Variants in EPB41 observed in about 807,000 individuals in gnomAD.
The protein encoded by EPB41 is erythrocyte membrane protein band 4.1.
A neutral mutation model predicts 108.0 loss-of-function variants in EPB41; 65 were observed. The observed-to-expected ratio is 0.60, with a 90% CI of 0.49 to 0.74. The LOEUF (loss-of-function observed/expected upper bound fraction) is 0.74, where lower values mean the gene tolerates loss of function less well. EPB41 is among the 30% of genes least tolerant of loss of function. The pLI, the probability that EPB41 is intolerant of heterozygous loss-of-function variation, is 0.00. For synonymous variants in EPB41, 336 were observed against 358.9 expected (o/e 0.94, Z 0.72); for missense variants, 875 against 1,037.0 (o/e 0.84, Z 2.15).
intron 1 of EPB41, among the ~76,000 whole-genome samples, chr1:28,934,547 T>C (rs1174042220): frequency 1.3e-5 from 2 of 152,174 alleles, no homozygotes; most frequent in African/African-American, 2.4e-5. Flanking sequence ...CATACTGATA[T>C]GGATATTTAT....
At chr1:29,076,109 C>T (rs980163275) in intron 16 of EPB41, among the ~76,000 whole-genome samples, 6 of 152,208 alleles carry the variant, frequency 3.9e-5, no homozygotes, top group African/African-American at 1.2e-4. Context: ...CACATTACTT[C>T]TTCACATACT....
chr1:29,039,813 C>CA (rs201576611), intron 11 of EPB41, among the ~76,000 whole-genome samples: 6,465 of 142,444 alleles, frequency 0.045, 156 homozygotes, highest in Non-Finnish European at 0.062. Flanking sequence ...GACTCTGTCT[C>CA]AAAAAAAAAA....
chr1:28,993,654 T>TTTA, intron 3 of EPB41, 112 bp downstream of exon 3: 7 of 906,702 alleles, frequency 7.7e-6, no homozygotes, highest in South Asian at 1.6e-5. Context: ...TTATTTCTTT[T>TTTA]TTCTTTTTTT....
chr1:29,010,505 C>T (rs72874954), intron 4 of EPB41, among the ~76,000 whole-genome samples: 12 of 152,206 alleles, frequency 7.9e-5, no homozygotes, highest in African/African-American at 2.9e-4. Flanking sequence ...GTTTTATGTA[C>T]TTTTCGACAT....
intron 17 of EPB41, among the ~76,000 whole-genome samples, chr1:29,108,307 C>A (rs1296009168): frequency 6.7e-6 from 1 of 149,792 alleles, no homozygotes; most frequent in African/African-American, 2.5e-5. Context: ...CACCACCACA[C>A]CCGGCTAATT....
At chr1:28,915,007 G>C (rs1029803316) in intron 1 of EPB41, among the ~76,000 whole-genome samples, 11 of 152,198 alleles carry the variant, frequency 7.2e-5, no homozygotes, top group African/African-American at 2.4e-4. Flanking sequence ...AAGGGGAAGG[G>C]GTTGCGTCGC....
intron 1 of EPB41, among the ~76,000 whole-genome samples, chr1:28,970,930 C>T (rs978983178): frequency 2.0e-5 from 3 of 152,124 alleles, no homozygotes; most frequent in African/African-American, 4.8e-5. Context: ...TCACTGCAGC[C>T]TCCACCTCCC....
chr1:28,956,715 A>G (rs2094962113), intron 1 of EPB41, among the ~76,000 whole-genome samples: 1 of 152,248 alleles, frequency 6.6e-6, no homozygotes, highest in Non-Finnish European at 1.5e-5. Context: ...AGAATCATCT[A>G]AAATATTATT....
chr1:28,943,429 G>A (rs2094374621), intron 1 of EPB41, among the ~76,000 whole-genome samples: 1 of 152,144 alleles, frequency 6.6e-6, no homozygotes, highest in South Asian at 2.1e-4. Flanking sequence ...GAGGTGGGTG[G>A]ATCACCTTAA....
chr1:28,965,811 T>A (rs1012552775), intron 1 of EPB41, among the ~76,000 whole-genome samples: 1 of 152,216 alleles, frequency 6.6e-6, no homozygotes, highest in African/African-American at 2.4e-5. Flanking sequence ...GAATAAACTT[T>A]AGCGTTTTCA....
intron 7 of EPB41, among the ~76,000 whole-genome samples, chr1:29,025,284 A>T (rs1269944499): frequency 6.6e-6 from 1 of 152,076 alleles, no homozygotes; most frequent in Non-Finnish European, 1.5e-5. Flanking sequence ...AGGGAGTCAC[A>T]TAACACTGGA....
At chr1:28,994,919 C>G (rs2096128375) in intron 3 of EPB41, among the ~76,000 whole-genome samples, 1 of 110,334 alleles carries the variant, frequency 9.1e-6, no homozygotes, top group African/African-American at 3.8e-5. Context: ...CTCAGCCTCC[C>G]AAAGTACTAA....
rs1255414282 is a variant in EPB41 at position 29,109,342 on chromosome 1, G to A, written c.2320G>A (p.Asp774Asn). 6.2e-6 allele frequency: 10 copies of A among 1,613,960 alleles called. No individual in the cohort carries two copies. The highest frequency in any genetic ancestry group is 4.5e-5 in the East Asian group (2 of 44,878). The part of the protein sequence containing the change: ...TITYEAAQTD[D>N]NSGDLDPGVL... ...GCCATGCTTTCTTCTGCAGACTGAC[G>A]ACAACAGTGGAGACTTGGACCCAGG... is the stretch of plus-strand genomic sequence containing the variant. Residue 774 changes from aspartate (D) to asparagine (N), a missense_variant, in exon 18 of 21, where the codon GAC becomes AAC. Physicochemically the swap from Asp to Asn is conservative, Grantham distance 23. Around this residue, in one of 3 missense-constraint regions of EPB41, gnomAD observed 519 missense variants for 627.3 expected, o/e 0.83. Transcript: ENST00000343067.
chr1:29,012,733 C>G (rs1343065728), intron 5 of EPB41, among the ~76,000 whole-genome samples: 1 of 152,202 alleles, frequency 6.6e-6, no homozygotes, highest in African/African-American at 2.4e-5. Flanking sequence ...GAAGAAAACA[C>G]TTTTGTTATG....
intron 1 of EPB41, among the ~76,000 whole-genome samples, chr1:28,916,713 A>G (rs906596120): frequency 2.6e-5 from 4 of 152,098 alleles, no homozygotes; most frequent in African/African-American, 9.7e-5. Flanking sequence ...CAACAAAACT[A>G]TACATTTTTC....
chr1:28,887,862 C>T lies in EPB41; in HGVS notation c.-8+652C>T, dbSNP rs183142594. 1.2e-4 allele frequency among the ~76,000 whole-genome samples: 19 copies of T among 152,356 alleles called. No individual in the cohort carries two copies. In the Middle Eastern group the frequency reaches 0.014, roughly 109 times the overall value. On this transcript the variant is annotated intron_variant, in intron 1 of 16. Coordinates refer to the EPB41 transcript ENST00000347529. The surrounding 1 kb of genome is among the most constrained non-coding windows in gnomAD (Gnocchi z 4.9). ...GTCTGGGTCTCCCGGGTCTCTCTGT[C>T]CGGTTCAGGCTCAGGTTCCCTCTCA...
At chr1:29,100,583 A>G (rs1459471769) in intron 17 of EPB41, among the ~76,000 whole-genome samples, 1 of 148,212 alleles carries the variant, frequency 6.7e-6, no homozygotes, top group Non-Finnish European at 1.5e-5. Flanking sequence ...TGAGACCAGT[A>G]GTTCCAGACC....
At position 28,887,381 on chromosome 1, in the gene EPB41, G is replaced by A. The variant is rs1203580027; in HGVS notation, c.-8+171G>A. The A allele has an allele frequency of 2.0e-6, 2 of 985,306 alleles. No homozygotes were observed. Among genetic ancestry groups the A allele is most frequent in the Non-Finnish European group, 2.4e-6 (2 of 829,940 alleles). 61.0% of individuals were successfully genotyped at this position (985,306 alleles called of 1,614,324 possible). The stretch of plus-strand genomic sequence containing the variant: ...CCGAATTCCAGAATCCGAACTTGGG[G>A]TCCAAAGGAGTCTGGGCATCTTAAA... On this transcript the variant is annotated intron_variant, in intron 1 of 16. Transcript: ENST00000347529. This position sits in a 1 kb window ranked among gnomAD's most constrained non-coding sequence, Gnocchi z 4.9.
chr1:28,944,473 C>A (rs1170275839), intron 1 of EPB41, among the ~76,000 whole-genome samples: 1 of 151,856 alleles, frequency 6.6e-6, no homozygotes, highest in Non-Finnish European at 1.5e-5. Context: ...TCTCACATAC[C>A]CCATAAATAT....
Sources: allele counts gnomAD v4.1 joint callset (sites outside exome capture counted in the v4.1 genomes callset), GRCh38; gene constraint gnomAD v4.1.1; regional missense constraint gnomAD v4.1.1; non-coding constraint Gnocchi (gnomAD v3.1); transcripts MANE v1.5; gene names NCBI Gene and HGNC (gene_info 2026-07-23, HGNC 2026-07-21).